The following CNBD1 variants were observed in gnomAD, a reference collection of about 807,000 sequenced individuals.
CNBD1 encodes cyclic nucleotide binding domain containing 1.
Under a neutral mutation model 54.4 loss-of-function variants are expected in CNBD1, and 71 were observed. That is an observed-to-expected ratio of 1.30 (90% CI 1.08 to 1.59). The LOEUF is 1.59. CNBD1 is among the 40% of genes most tolerant of loss of function. CNBD1 has a pLI of 0.00. For synonymous variants in CNBD1, 182 were observed against 170.7 expected (o/e 1.07, Z -0.51); for missense variants, 659 against 518.0 (o/e 1.27, Z -2.64).
intron 3 of CNBD1, among the ~76,000 whole-genome samples, chr8:86,934,976 G>A (rs1214850612): frequency 6.6e-6 from 1 of 151,900 alleles, no homozygotes; most frequent in Admixed American, 6.6e-5. Context: ...AACTACATAT[G>A]ACTTTTGTAT....
intron 6 of CNBD1, among the ~76,000 whole-genome samples, chr8:87,264,628 G>T (rs1054749517): frequency 2.0e-5 from 3 of 152,182 alleles, no homozygotes; most frequent in South Asian, 2.1e-4. Flanking sequence ...GTGTAAAAGC[G>T]TTCCTATTTC....
intron 10 of CNBD1, among the ~76,000 whole-genome samples, chr8:87,364,918 G>A (rs1176470491): frequency 6.6e-6 from 1 of 152,038 alleles, no homozygotes; most frequent in Admixed American, 6.6e-5. Flanking sequence ...TTGATTCCAT[G>A]TCTTTGCTAT....
At chr8:86,986,957 T>G (rs567164482) in intron 4 of CNBD1, among the ~76,000 whole-genome samples, 1 of 152,320 alleles carries the variant, frequency 6.6e-6, no homozygotes, top group Non-Finnish European at 1.5e-5. Flanking sequence ...CCTCCAGCTT[T>G]GTTCTTCTTG....
At chr8:87,217,908 C>G (rs1373147955) in intron 5 of CNBD1, among the ~76,000 whole-genome samples, 1 of 152,032 alleles carries the variant, frequency 6.6e-6, no homozygotes, top group African/African-American at 2.4e-5. Context: ...AAAGACCTTT[C>G]TGAGATTTTT....
intron 4 of CNBD1, among the ~76,000 whole-genome samples, chr8:87,065,713 C>G (rs1586232629): frequency 1.3e-5 from 2 of 151,912 alleles, no homozygotes; most frequent in East Asian, 3.9e-4. Flanking sequence ...TATTAGCCCT[C>G]TAATGCCTTT....
intron 4 of CNBD1, among the ~76,000 whole-genome samples, chr8:87,148,898 A>G (rs1313500505): frequency 6.6e-6 from 1 of 152,142 alleles, no homozygotes; most frequent in Non-Finnish European, 1.5e-5. Context: ...CCAAGAAAAG[A>G]ACAAACAAAC....
intron 2 of CNBD1, among the ~76,000 whole-genome samples, chr8:87,418,835 C>T (rs1007625954): frequency 6.6e-6 from 1 of 151,728 alleles, no homozygotes; most frequent in African/African-American, 2.4e-5. Flanking sequence ...GAAATTGAAA[C>T]CCTTATACAT....
At chr8:87,229,692 G>T (rs891335824) in intron 5 of CNBD1, among the ~76,000 whole-genome samples, 9 of 151,712 alleles carry the variant, frequency 5.9e-5, no homozygotes, top group African/African-American at 2.2e-4. Context: ...TTTTTTGTTT[G>T]AATAAGGATC....
In CNBD1 at chr8:87,206,067, A is replaced by G; in HGVS notation, c.506A>G (p.Gln169Arg). ...FLKTIPDLTF[Q>R]LNDKHLKTLS... ...AAAACAATTCCAGATTTAACCTTTC[A>G]GCTAAATGATAAGCATCTGAAAACA... The change falls in exon 5 of 11, where the codon CAG (glutamine) becomes CGG (arginine). Residue 169 changes from glutamine (Q) to arginine (R), a missense_variant. Coordinates refer to ENST00000518476, the MANE Select transcript of CNBD1 (RefSeq NM_173538.3). The G allele has an allele frequency of 6.2e-7, 1 of 1,607,540 alleles. No individual in the cohort carries two copies. Among genetic ancestry groups the G allele is most frequent in the Non-Finnish European group, 8.5e-7 (1 of 1,176,878 alleles).
chr8:87,139,793 C>T (rs1563484052), intron 4 of CNBD1, among the ~76,000 whole-genome samples: 1 of 152,254 alleles, frequency 6.6e-6, no homozygotes, highest in East Asian at 1.9e-4. Flanking sequence ...GTAAGACAGC[C>T]TCTCCTCTGT....
In CNBD1 at chr8:86,881,602, T is replaced by A. The variant is rs137899590; in HGVS notation, c.89-5940T>A. Among the ~76,000 whole-genome samples, 8 of 152,320 alleles carry A rather than the reference T, an allele frequency of 5.3e-5. No homozygotes were observed. In the East Asian group the frequency reaches 1.4e-3, roughly 26 times the overall value. On this transcript the variant is annotated intron_variant, in intron 1 of 10. Coordinates refer to ENST00000518476, the MANE Select transcript of CNBD1 (RefSeq NM_173538.3). ...AAAATGGCCATCTGCCCAAAGCAAT[T>A]TATAGATTCAATGCTATTGCCATTA...
At chr8:86,913,124 G>A (rs572331976) in intron 3 of CNBD1, among the ~76,000 whole-genome samples, 95 of 152,168 alleles carry the variant, frequency 6.2e-4, no homozygotes, top group African/African-American at 2.2e-3. Context: ...AATAAGCAAA[G>A]GGTAATTTGT....
intron 4 of CNBD1, among the ~76,000 whole-genome samples, chr8:86,958,269 T>C (rs1387513475): frequency 6.6e-6 from 1 of 152,218 alleles, no homozygotes; most frequent in East Asian, 1.9e-4. Flanking sequence ...AATTTTGGAA[T>C]AGGTCAGATG....
At chr8:86,896,664 T>C (rs1808852526) in intron 2 of CNBD1, among the ~76,000 whole-genome samples, 1 of 152,194 alleles carries the variant, frequency 6.6e-6, no homozygotes, top group Non-Finnish European at 1.5e-5. Flanking sequence ...GTAAATTTAC[T>C]GAATTCCTTC....
intron 4 of CNBD1, among the ~76,000 whole-genome samples, chr8:87,087,290 T>C (rs1002367645): frequency 2.8e-5 from 4 of 144,040 alleles, no homozygotes; most frequent in South Asian, 4.2e-4. Context: ...TATATATATA[T>C]ATTTTTTATT....
At position 87,315,557 on chromosome 8, in the gene CNBD1, G is replaced by C. The variant is rs115140631; in HGVS notation, c.1042+28886G>C. On this transcript the variant is annotated intron_variant, in intron 8 of 10. Transcript: ENST00000518476. ...AAGAATAGGAAGGTGCCAGGCTCAT[G>C]TGGAAACTAGCAGAGTGAGAACTCA... Among the ~76,000 whole-genome samples, 1,470 of 151,986 alleles carry C rather than the reference G, an allele frequency of 9.7e-3. 20 individuals carry two copies. The highest frequency in any genetic ancestry group is 0.033 in the African/African-American group (1,349 of 41,488).
At chr8:86,880,409 A>C (rs1178209134) in intron 1 of CNBD1, among the ~76,000 whole-genome samples, 1 of 152,226 alleles carries the variant, frequency 6.6e-6, no homozygotes, top group Non-Finnish European at 1.5e-5. Flanking sequence ...CACTATTTAA[A>C]TAGGATTTAT....
intron 1 of CNBD1, among the ~76,000 whole-genome samples, chr8:86,874,138 C>T (rs768008357): frequency 6.6e-6 from 1 of 152,138 alleles, no homozygotes; most frequent in Non-Finnish European, 1.5e-5. Context: ...ATTTTGAAAT[C>T]AGACAGTGTG....
At chr8:87,233,474 T>TA (rs1176798212) in intron 5 of CNBD1, among the ~76,000 whole-genome samples, 2 of 152,216 alleles carry the variant, frequency 1.3e-5, no homozygotes, top group Non-Finnish European at 2.9e-5. Context: ...AAAATATATA[T>TA]ACCTTAATTT....
Sources: allele counts gnomAD v4.1 joint callset (sites outside exome capture counted in the v4.1 genomes callset), GRCh38; gene constraint gnomAD v4.1.1; transcripts MANE v1.5; gene names NCBI Gene and HGNC (gene_info 2026-07-23, HGNC 2026-07-21).